Variants in STAU2 observed in about 807,000 individuals in gnomAD.
STAU2 encodes double-stranded RNA-binding protein Staufen homolog 2.
Under a neutral mutation model 65.9 loss-of-function variants are expected in STAU2, and 20 were observed. The observed-to-expected ratio is 0.30, with a 90% CI of 0.21 to 0.44. The LOEUF (loss-of-function observed/expected upper bound fraction) is 0.44. Ranked by LOEUF, STAU2 falls within the 20% of genes least tolerant of loss-of-function variation. The pLI, the probability that STAU2 is intolerant of heterozygous loss-of-function variation, is 1.00. For missense variants in STAU2, 558 were observed against 683.9 expected, an observed-to-expected ratio of 0.82 and a Z score of 2.05; for synonymous variants, 232 against 233.9, an observed-to-expected ratio of 0.99 and a Z score of 0.07.
intron 6 of STAU2, among the ~76,000 whole-genome samples, chr8:73,665,329 T>C (rs1007912805): frequency 3.9e-5 from 6 of 152,158 alleles, no homozygotes. Flanking sequence ...ACACATTCCA[T>C]GTGTAAAGCA....
At chr8:73,534,612 C>A (rs1465979368) in intron 13 of STAU2, among the ~76,000 whole-genome samples, 2 of 152,108 alleles carry the variant, frequency 1.3e-5, no homozygotes, top group African/African-American at 4.8e-5. Context: ...TAATAACTAT[C>A]AGATAGTCTT....
chr8:73,539,335 C>T (rs914409447), intron 13 of STAU2, among the ~76,000 whole-genome samples: 1 of 152,078 alleles, frequency 6.6e-6, no homozygotes, highest in Non-Finnish European at 1.5e-5. Context: ...GGGATAAAAA[C>T]GGTGTTTAAT....
At chr8:73,744,816 T>C (rs1331502105) in intron 1 of STAU2, among the ~76,000 whole-genome samples, 1 of 152,208 alleles carries the variant, frequency 6.6e-6, no homozygotes, top group Non-Finnish European at 1.5e-5. Flanking sequence ...ACATAAAATG[T>C]TAACAGGTGA....
intron 6 of STAU2, among the ~76,000 whole-genome samples, chr8:73,661,953 T>C (rs894867035): frequency 6.6e-6 from 1 of 152,180 alleles, no homozygotes; most frequent in African/African-American, 2.4e-5. Context: ...AAATACCACA[T>C]GGAATTGCTG....
intron 13 of STAU2, among the ~76,000 whole-genome samples, chr8:73,525,757 T>A (rs544699824): frequency 3.5e-4 from 53 of 152,318 alleles, no homozygotes; most frequent in African/African-American, 1.3e-3. Flanking sequence ...AAGAGAGGTA[T>A]CCCACGCTGC....
At chr8:73,586,161 T>G (rs941830206) in intron 11 of STAU2, among the ~76,000 whole-genome samples, 5 of 152,116 alleles carry the variant, frequency 3.3e-5, no homozygotes, top group Non-Finnish European at 7.4e-5. Context: ...GATGAAGAAG[T>G]TGTAGCTAGC....
intron 13 of STAU2, among the ~76,000 whole-genome samples, chr8:73,530,804 G>A (rs1165816132): frequency 6.6e-6 from 1 of 151,996 alleles, no homozygotes; most frequent in Admixed American, 6.6e-5. Context: ...CAGCATGAGA[G>A]AATCCCAGCA....
chr8:73,550,523 T>C, intron 13 of STAU2: 1 of 985,864 alleles, frequency 1.0e-6, no homozygotes, highest in African/African-American at 1.7e-5. Context: ...TTCTAAATGA[T>C]TAGATTCATA....
At chr8:73,639,020 C>A (rs1471669016) in intron 6 of STAU2, among the ~76,000 whole-genome samples, 1 of 151,838 alleles carries the variant, frequency 6.6e-6, no homozygotes, top group Non-Finnish European at 1.5e-5. Flanking sequence ...GAAGATGCCA[C>A]AATATATTTT....
At chr8:73,549,502 G>C (rs562814894) in intron 13 of STAU2, 1 of 355,684 alleles carries the variant, frequency 2.8e-6, no homozygotes, top group Non-Finnish European at 3.9e-6. Flanking sequence ...AAGAATTTGA[G>C]CTTGGATACC....
At chr8:73,690,034 A>G (rs1447420708) in intron 4 of STAU2, among the ~76,000 whole-genome samples, 2 of 151,808 alleles carry the variant, frequency 1.3e-5, no homozygotes, top group Admixed American at 6.6e-5. Context: ...GGAGGACACT[A>G]AAGAGACATG....
At chr8:73,437,153 A>G (rs1817763515) in intron 13 of STAU2, among the ~76,000 whole-genome samples, 1 of 152,146 alleles carries the variant, frequency 6.6e-6, no homozygotes, top group Non-Finnish European at 1.5e-5. Context: ...TGTGGGCAGG[A>G]TAAGGGCCCC....
At chr8:73,638,500 CTTT>C (rs576967652) in intron 6 of STAU2, among the ~76,000 whole-genome samples, 10,262 of 133,662 alleles carry the variant, frequency 0.077, 375 homozygotes, top group Middle Eastern at 0.17. Flanking sequence ...TTGAAATATT[CTTT>C]TTTTTTTTTT....
At chr8:73,680,335 T>G (rs895630112) in intron 5 of STAU2, among the ~76,000 whole-genome samples, 12 of 151,990 alleles carry the variant, frequency 7.9e-5, no homozygotes, top group African/African-American at 2.9e-4. Flanking sequence ...TGGAGTCCAG[T>G]AGCTCCACTG....
chr8:73,528,719 G>A (rs557972670), intron 13 of STAU2, among the ~76,000 whole-genome samples: 1 of 152,274 alleles, frequency 6.6e-6, no homozygotes, highest in Non-Finnish European at 1.5e-5. Context: ...AAAGGCTTAA[G>A]TGAAAATTTT....
intron 4 of STAU2, among the ~76,000 whole-genome samples, chr8:73,702,767 C>T (rs1820204862): frequency 6.6e-6 from 1 of 152,140 alleles, no homozygotes. Flanking sequence ...AAGGTATACA[C>T]TGATGACAAA....
chr8:73,485,834 A>AAG, intron 13 of STAU2, among the ~76,000 whole-genome samples: 1 of 151,980 alleles, frequency 6.6e-6, no homozygotes, highest in Non-Finnish European at 1.5e-5. Context: ...ACCCTATCTC[A>AAG]AACAAACAAA....
At chr8:73,504,379 TGAAA>T (rs1381553760) in intron 13 of STAU2, among the ~76,000 whole-genome samples, 1 of 152,152 alleles carries the variant, frequency 6.6e-6, no homozygotes, top group Admixed American at 6.6e-5. Context: ...GTGTTTCATG[TGAAA>T]GAAATACTAA....
intron 5 of STAU2, among the ~76,000 whole-genome samples, chr8:73,687,687 G>A (rs1484578280): frequency 2.0e-5 from 3 of 151,200 alleles, no homozygotes; most frequent in Middle Eastern, 3.5e-3. Context: ...ACAGGTGGGA[G>A]CCACTGCACC....
Sources: allele counts gnomAD v4.1 joint callset (sites outside exome capture counted in the v4.1 genomes callset), GRCh38; gene constraint gnomAD v4.1.1; transcripts MANE v1.5; gene names NCBI Gene and HGNC (gene_info 2026-07-23, HGNC 2026-07-21).